Variants in CHST13 observed in about 807,000 individuals in gnomAD.
CHST13 encodes carbohydrate sulfotransferase 13.
CHST13 carries 1 observed loss-of-function variant against 7.0 expected under a neutral mutation model. The ratio of observed to expected loss-of-function variants is 0.14; its 90% confidence interval spans 0.05 to 0.68. The LOEUF (loss-of-function observed/expected upper bound fraction) is 0.68. Among genes scored for constraint, CHST13 ranks in the 30% least tolerant of loss-of-function variants. The pLI is 0.82. For missense variants in CHST13, 572 were observed against 507.9 expected (o/e 1.13, Z -1.21); for synonymous variants, 257 against 240.9 (o/e 1.07, Z -0.62).
Position 126,525,245 on chromosome 3 carries a change from TC to T in CHST13, c.97+820del, listed in dbSNP as rs1232343073. Among the ~76,000 whole-genome samples the T allele has an allele frequency of 7.2e-5, 11 of 152,176 alleles. No homozygotes were observed. In the East Asian group the frequency reaches 2.1e-3, roughly 30 times the overall value. On this transcript the variant is annotated intron_variant, in intron 1 of 2. Transcript: ENST00000319340. ...GCTGGGTGGGACGACTCAGTCCGCC[TC>T]CCCACCCCCAGTGTGGGCTCTGAGA...
chr3:126,528,782 A>G (rs1936586834), intron 1 of CHST13, among the ~76,000 whole-genome samples: 1 of 152,134 alleles, frequency 6.6e-6, no homozygotes, highest in Non-Finnish European at 1.5e-5. Context: ...AGAGATCTCT[A>G]GTTCTCTCCC....
chr3:126,533,851 G>A (rs1368632731), intron 1 of CHST13, among the ~76,000 whole-genome samples: 1 of 152,000 alleles, frequency 6.6e-6, no homozygotes, highest in Non-Finnish European at 1.5e-5. Flanking sequence ...CTGATCCTGG[G>A]CTTTTGTTTG....
At chr3:126,531,037 G>T (rs4377447) in intron 1 of CHST13, among the ~76,000 whole-genome samples, 4,030 of 152,366 alleles carry the variant, frequency 0.026, 88 homozygotes, top group African/African-American at 0.061. Flanking sequence ...CCAGTGCAAG[G>T]CCCGTCCAGC....
intron 2 of CHST13, among the ~76,000 whole-genome samples, chr3:126,537,515 C>A (rs1936823234): frequency 6.6e-6 from 1 of 152,162 alleles, no homozygotes; most frequent in Admixed American, 6.5e-5. Context: ...GCGGAAGGGG[C>A]CTGTGGAGCT....
rs797014818 is a variant in CHST13, at chr3:126,539,722, C to A, written c.181-2011C>A. Among the ~76,000 whole-genome samples, 358 of 108,084 alleles carry A rather than the reference C, an allele frequency of 3.3e-3. 5 individuals carry two copies. Among genetic ancestry groups the A allele is most frequent in the African/African-American group, 0.011 (297 of 27,096 alleles). 70.9% of individuals were successfully genotyped at this position (108,084 alleles called of 152,430 possible). Reference sequence around the variant, plus strand: ...CACCACACACATATGCCACACACACCCCCCACACCACACACACACCCCACA... The same window carrying A: ...CACCACACACATATGCCACACACACACCCCACACCACACACACACCCCACA... On this transcript the variant is annotated intron_variant, in intron 2 of 2. Transcript: ENST00000319340.
rs962479224 is a variant in CHST13, at chr3:126,524,321, G to A, written c.-12G>A. 14 of 1,233,120 alleles carry A rather than the reference G, an allele frequency of 1.1e-5. No individual in the cohort carries two copies. The highest frequency in any genetic ancestry group is 6.6e-5 in the East Asian group (2 of 30,204). The allele number at this position is 1,233,120 out of a possible 1,614,324, so 76.4% of individuals were successfully genotyped here. ...TCCAGCGGACTGTCCTCCGCCGCGC[G>A]CCCGGCACAGCATGGGGAGGCGCTG... On this transcript the variant is annotated 5_prime_UTR_variant, in exon 1 of 3. Coordinates refer to ENST00000319340, the MANE Select transcript of CHST13 (RefSeq NM_152889.3).
In CHST13 at chr3:126,542,516, C is replaced by T. The variant is rs1936989499; in HGVS notation, c.964C>T (p.Leu322Phe). Residue 322 changes from leucine to phenylalanine, a missense_variant, in exon 3 of 3, where the codon CTC (leucine) becomes TTC (phenylalanine). Transcript: ENST00000319340. ...SPFYQRRLFD[L>F]YKMDFLLFNY... ...CTTCTACCAGCGGCGCCTCTTCGACCTCTACAAGATGGACTTCCTGCTTTT... is the reference window on the plus strand; with the variant it reads ...CTTCTACCAGCGGCGCCTCTTCGACTTCTACAAGATGGACTTCCTGCTTTT... 1.9e-6 allele frequency: 3 copies of T among 1,566,752 alleles called. No homozygotes were observed. Among genetic ancestry groups the T allele is most frequent in the Non-Finnish European group, 2.6e-6 (3 of 1,162,612 alleles).
intron 1 of CHST13, among the ~76,000 whole-genome samples, chr3:126,529,982 C>T (rs1427336045): frequency 2.0e-5 from 3 of 152,230 alleles, no homozygotes; most frequent in Non-Finnish European, 2.9e-5. Flanking sequence ...GACGGGGGTA[C>T]AGAGGACACA....
In CHST13 at chr3:126,536,345, C is replaced by G. The variant is rs1936790435; in HGVS notation, c.172C>G (p.Leu58Val). 6.2e-7 allele frequency: 1 copy of G among 1,613,534 alleles called. No individual in the cohort carries two copies. Among genetic ancestry groups the G allele is most frequent in the African/African-American group, 1.3e-5 (1 of 74,902 alleles). ...AAGCCCCCTGCAGAAGCTCTATGAC[C>G]TGGATCAGGTAGGTGGACAGACCCT... ...KRSPLQKLYDLDQDPRSTLAK... is the reference protein window; with the variant it reads ...KRSPLQKLYDVDQDPRSTLAK... Residue 58 changes from leucine to valine, a missense_variant, in exon 2 of 3, where the codon CTG becomes GTG. Transcript: ENST00000319340.
intron 2 of CHST13, among the ~76,000 whole-genome samples, chr3:126,536,727 G>A (rs535210164): frequency 2.3e-4 from 35 of 151,928 alleles, no homozygotes; most frequent in African/African-American, 8.2e-4. Flanking sequence ...CAGCCCCGGC[G>A]TGATTCTCAA....
In CHST13 at chr3:126,542,457, AC is replaced by A; in HGVS notation, c.907del (p.Leu303TrpfsTer122). ...CCCCGGGGAGCCGCCGCCTCCCGCG[AC>A]CTGGCAGCGCGCCTCTTCCGGGACA... ...PRPRGAAASR[D>X]LAARLFRDIS... On this transcript the variant is annotated frameshift_variant, in exon 3 of 3. Coordinates refer to ENST00000319340, the MANE Select transcript of CHST13 (RefSeq NM_152889.3). LOFTEE classifies it low-confidence loss of function (END_TRUNC). The A allele has an allele frequency of 1.3e-6, 2 of 1,571,330 alleles. No homozygotes were observed. Among genetic ancestry groups the A allele is most frequent in the Non-Finnish European group, 1.7e-6 (2 of 1,161,518 alleles).
At chr3:126,535,854 C>T (rs1936778667) in intron 1 of CHST13, among the ~76,000 whole-genome samples, 1 of 152,270 alleles carries the variant, frequency 6.6e-6, no homozygotes, top group African/African-American at 2.4e-5. Context: ...TTTCTGGCTG[C>T]CCATACACAG....
chr3:126,531,390 C>T lies in CHST13; in HGVS notation c.98-4881C>T, dbSNP rs113115159. On this transcript the variant is annotated intron_variant, in intron 1 of 2. Transcript: ENST00000319340. ...TCTCAAGTGAATAGATTCTTCTTAG[C>T]GACATTTATAGACTCTTCATTTGGT... 9.5e-4 allele frequency among the ~76,000 whole-genome samples: 145 copies of T among 152,348 alleles called. 1 individual carries two copies. Among genetic ancestry groups the T allele is most frequent in the African/African-American group, 3.4e-3 (141 of 41,574 alleles).
chr3:126,539,959 CCACA>C (rs926386588), intron 2 of CHST13, among the ~76,000 whole-genome samples: 6 of 32,916 alleles, frequency 1.8e-4, no homozygotes, highest in Admixed American at 1.3e-3. Flanking sequence ...GCCACACATG[CCACA>C]CACACACAAA....
chr3:126,526,358 C>T (rs1433740024), intron 1 of CHST13, among the ~76,000 whole-genome samples: 1 of 152,238 alleles, frequency 6.6e-6, no homozygotes, highest in African/African-American at 2.4e-5. Flanking sequence ...CGAGGGCCTG[C>T]AGTGTCTCTG....
intron 1 of CHST13, chr3:126,529,509 T>A: frequency 1.4e-6 from 1 of 703,716 alleles, no homozygotes; most frequent in Non-Finnish European, 2.0e-6. Context: ...AAGGAAGCTG[T>A]GAGGCCTCGG....
intron 1 of CHST13, chr3:126,526,920 G>A (rs1257461752): frequency 4.6e-5 from 7 of 152,280 alleles, no homozygotes; most frequent in Admixed American, 3.9e-4. Flanking sequence ...GCACACCACG[G>A]ACCACGGACC....
chr3:126,541,992 G>A lies in CHST13; in HGVS notation c.440G>A (p.Gly147Asp). Reference sequence around the variant, plus strand: ...TCCGCGCAAGAGGCGCACGCGCCTGGCCGCCTGCCCTCACTGGCCGACTTC... The same window carrying A: ...TCCGCGCAAGAGGCGCACGCGCCTGACCGCCTGCCCTCACTGGCCGACTTC... ...AISAQEAHAP[G>D]RLPSLADFSP... is the part of the protein sequence containing the mutation. Residue 147 changes from glycine (G) to aspartate (D), a missense_variant, in exon 3 of 3, where the codon GGC becomes GAC. By Grantham distance (94) the Gly-to-Asp change is moderately conservative. Coordinates refer to ENST00000319340, the MANE Select transcript of CHST13 (RefSeq NM_152889.3). 6.4e-7 allele frequency: 1 copy of A among 1,564,052 alleles called. No individual in the cohort carries two copies.
chr3:126,542,125 C>T lies in CHST13; in HGVS notation c.573C>T (p.Pro191=), dbSNP rs1331101207. 6.4e-7 allele frequency: 1 copy of T among 1,570,952 alleles called. No individual in the cohort carries two copies. Among genetic ancestry groups the T allele is most frequent in the East Asian group, 2.4e-5 (1 of 41,756 alleles). ...CTTACCGCAACAAGCTCGCGCGCCC[C>T]TACAGCGCCGCCTTCCAGAGGCGCT... The part of the protein sequence containing the change: ...ASAYRNKLAR[P]YSAAFQRRYG... The change falls in exon 3 of 3, where the codon CCC becomes CCT. Residue 191 remains proline (P), a synonymous_variant. Coordinates refer to ENST00000319340, the MANE Select transcript of CHST13 (RefSeq NM_152889.3).
Sources: gnomAD v4.1 joint callset for allele counts (sites outside exome capture counted in the v4.1 genomes callset) on GRCh38, gnomAD v4.1.1 for gene constraint, MANE v1.5 for transcripts, NCBI Gene and HGNC (gene_info 2026-07-23, HGNC 2026-07-21) for gene names.